The following BTBD16 variants were observed in gnomAD, a reference collection of about 807,000 sequenced individuals.
BTBD16 encodes BTB domain containing 16.
In BTBD16, 66 loss-of-function variants were observed where a neutral mutation model predicts 67.4. The observed-to-expected ratio is 0.98, with a 90% confidence interval of 0.80 to 1.20. The LOEUF (loss-of-function observed/expected upper bound fraction) is 1.20, where lower values mean the gene tolerates loss of function less well. Among genes scored for constraint, BTBD16 ranks in the 50% most tolerant of loss-of-function variants. BTBD16 has a pLI of 0.00. For synonymous variants in BTBD16, 242 were observed against 236.4 expected, an observed-to-expected ratio of 1.02 and a Z score of -0.22; for missense variants, 634 against 616.0, an observed-to-expected ratio of 1.03 and a Z score of -0.31.
intron 9 of BTBD16, among the ~76,000 whole-genome samples, chr10:122,305,061 C>G (rs966883063): frequency 6.6e-6 from 1 of 152,212 alleles, no homozygotes; most frequent in Non-Finnish European, 1.5e-5. Flanking sequence ...GTCCACATCT[C>G]ACTGGCTGGA....
At chr10:122,333,758 T>C (rs10887132) in intron 13 of BTBD16, among the ~76,000 whole-genome samples, 38,515 of 151,144 alleles carry the variant, frequency 0.25, 4,978 homozygotes, top group African/African-American at 0.31. Context: ...TTTTGCTTTG[T>C]AATTTTTTTT....
intron 5 of BTBD16, among the ~76,000 whole-genome samples, chr10:122,286,485 C>T (rs183770298): frequency 6.6e-6 from 1 of 152,288 alleles, no homozygotes; most frequent in African/African-American, 2.4e-5. Flanking sequence ...GGTTCTAGAA[C>T]AAGGCCTGGC....
intron 7 of BTBD16, among the ~76,000 whole-genome samples, chr10:122,296,654 T>A (rs1425206587): frequency 6.6e-6 from 1 of 152,196 alleles, no homozygotes; most frequent in African/African-American, 2.4e-5. Flanking sequence ...ACCTGCCACA[T>A]AGCACGTCTA....
At chr10:122,305,427 T>C (rs1486064412) in intron 9 of BTBD16, among the ~76,000 whole-genome samples, 2 of 152,308 alleles carry the variant, frequency 1.3e-5, no homozygotes, top group Non-Finnish European at 1.5e-5. Flanking sequence ...GTTCTCCTGA[T>C]AGTGAGTGAG....
At chr10:122,304,554 T>TC (rs2096399862) in intron 9 of BTBD16, among the ~76,000 whole-genome samples, 1 of 144,222 alleles carries the variant, frequency 6.9e-6, no homozygotes, top group Non-Finnish European at 1.5e-5. Flanking sequence ...GGTATTCTTT[T>TC]TTTTTTTTTT....
chr10:122,307,955 T>C (rs897739918), intron 10 of BTBD16, among the ~76,000 whole-genome samples: 3 of 152,266 alleles, frequency 2.0e-5, no homozygotes, highest in African/African-American at 7.2e-5. Context: ...TTTCTCTGTC[T>C]TGTTATTTGA....
At chr10:122,300,408 G>C (rs2096391782) in intron 9 of BTBD16, among the ~76,000 whole-genome samples, 1 of 151,828 alleles carries the variant, frequency 6.6e-6, no homozygotes, top group Admixed American at 6.6e-5. Flanking sequence ...ACCCAGTACT[G>C]CCAATCACCC....
At chr10:122,326,835 T>C (rs1254182382) in intron 10 of BTBD16, among the ~76,000 whole-genome samples, 1 of 152,002 alleles carries the variant, frequency 6.6e-6, no homozygotes, top group East Asian at 1.9e-4. Flanking sequence ...CCTGAAGGTG[T>C]CTCAAAAAAA....
At chr10:122,285,227 T>G (rs1049166039) in intron 4 of BTBD16, among the ~76,000 whole-genome samples, 54 of 152,250 alleles carry the variant, frequency 3.5e-4, no homozygotes, top group African/African-American at 1.2e-3. Flanking sequence ...AGCTCTGTAC[T>G]AACAACACAG....
intron 11 of BTBD16, 107 bp from the exon 12 acceptor site, chr10:122,331,063 CCCCTTT>C (rs1281241850): frequency 1.4e-6 from 2 of 1,409,880 alleles, no homozygotes; most frequent in African/African-American, 2.9e-5. Flanking sequence ...AGACCATCCA[CCCCTTT>C]CCCTTCCCTC....
chr10:122,288,107 A>T (rs532720076), intron 5 of BTBD16, among the ~76,000 whole-genome samples: 2 of 151,592 alleles, frequency 1.3e-5, no homozygotes, highest in South Asian at 4.2e-4. Flanking sequence ...GGAGCTTACC[A>T]TCTGAGGGGA....
intron 3 of BTBD16, among the ~76,000 whole-genome samples, chr10:122,281,571 G>T (rs75118198): frequency 2.1e-3 from 318 of 152,196 alleles, no homozygotes; most frequent in African/African-American, 7.4e-3. Flanking sequence ...GGCTCCATCA[G>T]GGTATTTAAC....
At chr10:122,290,388 G>A (rs971094300) in intron 6 of BTBD16, among the ~76,000 whole-genome samples, 1 of 152,068 alleles carries the variant, frequency 6.6e-6, no homozygotes, top group African/African-American at 2.4e-5. Flanking sequence ...TCCTGCCAAG[G>A]ACCACCCCTT....
At chr10:122,305,752 C>G (rs2096402646) in intron 9 of BTBD16, among the ~76,000 whole-genome samples, 1 of 152,228 alleles carries the variant, frequency 6.6e-6, no homozygotes, top group Admixed American at 6.5e-5. Context: ...CCACCACCAT[C>G]AGGTAGGCCC....
rs1158150443 is a variant in BTBD16 at position 122,299,001 on chromosome 10, T to C, written c.661-3T>C. ...TTCATCAACTGGCTTTTTTTTGTCTTAGTACAAGGAAGAGCAGCTCACCAC... is the reference window on the plus strand; with the variant it reads ...TTCATCAACTGGCTTTTTTTTGTCTCAGTACAAGGAAGAGCAGCTCACCAC... On this transcript the variant is annotated splice_polypyrimidine_tract_variant and splice_region_variant and intron_variant, in intron 8 of 15. Coordinates refer to ENST00000260723, the MANE Select transcript of BTBD16 (RefSeq NM_144587.5). The C allele has an allele frequency of 2.5e-6, 4 of 1,613,466 alleles. No homozygotes were observed. The highest frequency in any genetic ancestry group is 3.4e-6 in the Non-Finnish European group (4 of 1,179,924).
intron 10 of BTBD16, among the ~76,000 whole-genome samples, chr10:122,316,936 T>C (rs2096425953): frequency 6.6e-6 from 1 of 152,150 alleles, no homozygotes. Flanking sequence ...TACAGGCATG[T>C]GTCAGTGCGC....
intron 6 of BTBD16, 31 bp downstream of exon 6, chr10:122,290,029 T>A (rs980450161): frequency 6.9e-7 from 1 of 1,441,664 alleles, no homozygotes; most frequent in Non-Finnish European, 9.7e-7. Flanking sequence ...ATTCTGAGAA[T>A]GCCATTGAAC....
intron 13 of BTBD16, among the ~76,000 whole-genome samples, chr10:122,333,915 G>T (rs2096458817): frequency 6.6e-6 from 1 of 152,070 alleles, no homozygotes; most frequent in Non-Finnish European, 1.5e-5. Flanking sequence ...CTTCTTGCAT[G>T]ATTATTGAAA....
intron 13 of BTBD16, among the ~76,000 whole-genome samples, chr10:122,333,171 C>T (rs2096457919): frequency 6.6e-6 from 1 of 152,146 alleles, no homozygotes; most frequent in South Asian, 2.1e-4. Flanking sequence ...GTGCTGAATG[C>T]ATCATCAGAG....
Sources: allele counts gnomAD v4.1 joint callset (sites outside exome capture counted in the v4.1 genomes callset), GRCh38; gene constraint gnomAD v4.1.1; transcripts MANE v1.5; gene names NCBI Gene and HGNC (gene_info 2026-07-23, HGNC 2026-07-21).